Variants in RBFOX1 observed in about 807,000 individuals in gnomAD.
RBFOX1 encodes the protein RNA binding protein fox-1 homolog 1.
A neutral mutation model predicts 57.7 loss-of-function variants in RBFOX1; 8 were observed. The ratio of observed to expected loss-of-function variants is 0.14; its 90% CI spans 0.08 to 0.25. The LOEUF (loss-of-function observed/expected upper bound fraction) is 0.25, where lower values mean the gene tolerates loss of function less well. RBFOX1 is among the 10% of genes least tolerant of loss of function. The pLI, the probability that RBFOX1 is intolerant of heterozygous loss-of-function variation, is 1.00. For missense variants in RBFOX1, 611 were observed against 548.5 expected, an observed-to-expected ratio of 1.11 and a Z score of -1.14; for synonymous variants, 326 against 222.4, an observed-to-expected ratio of 1.47 and a Z score of -4.15.
At chr16:5,778,615 C>G (rs2054225621) in intron 3 of RBFOX1, among the ~76,000 whole-genome samples, 1 of 152,170 alleles carries the variant, frequency 6.6e-6, no homozygotes, top group Admixed American at 6.5e-5. Context: ...TCCCCTGTAC[C>G]AAGTAGGTTT....
chr16:5,502,244 T>G (rs2043223386), intron 2 of RBFOX1, among the ~76,000 whole-genome samples: 3 of 152,064 alleles, frequency 2.0e-5, no homozygotes, highest in South Asian at 4.2e-4. Context: ...CAGGAAATCT[T>G]TAGGAAGAAC....
chr16:5,430,821 A>C (rs1405657697), intron 1 of RBFOX1, among the ~76,000 whole-genome samples: 2 of 152,258 alleles, frequency 1.3e-5, no homozygotes, highest in African/African-American at 4.8e-5. Context: ...CTGCCCTGAG[A>C]AACATACAGA....
chr16:7,668,316 A>C (rs976465064), intron 13 of RBFOX1, among the ~76,000 whole-genome samples: 2 of 152,176 alleles, frequency 1.3e-5, no homozygotes, highest in African/African-American at 4.8e-5. Context: ...TCTTCTCTCA[A>C]ATGACCTCCT....
intron 4 of RBFOX1, among the ~76,000 whole-genome samples, chr16:7,254,134 A>G (rs1273412052): frequency 2.0e-5 from 3 of 151,906 alleles, no homozygotes; most frequent in Admixed American, 6.6e-5. Context: ...CAACCCTGTG[A>G]CCCCCTTGTT....
chr16:5,329,395 T>G (rs6500683), intron 1 of RBFOX1, among the ~76,000 whole-genome samples: 1 of 151,856 alleles, frequency 6.6e-6, no homozygotes, highest in Admixed American at 6.6e-5. Context: ...TACCCACTTT[T>G]AAATAACCAG....
intron 6 of RBFOX1, among the ~76,000 whole-genome samples, chr16:7,581,862 C>A (rs1042137576): frequency 6.6e-6 from 1 of 152,062 alleles, no homozygotes; most frequent in African/African-American, 2.4e-5. Context: ...AGGCACAAGC[C>A]ACCATGCTTG....
Position 6,783,167 on chromosome 16 carries a change from C to CT in RBFOX1, c.-16+128522dup, listed in dbSNP as rs547477152. Among the ~76,000 whole-genome samples the CT allele has an allele frequency of 1.6e-3, 242 of 149,238 alleles. 3 individuals carry two copies. Among genetic ancestry groups the CT allele is most frequent in the African/African-American group, 5.8e-3 (235 of 40,370 alleles). ...CCTTATAGGCAGCATATAGTTGGGT[C>CT]TTTTTAAAAAAAAATTTATTCAGCT... On this transcript the variant is annotated intron_variant, in intron 3 of 15. Transcript: ENST00000550418.
intron 4 of RBFOX1, among the ~76,000 whole-genome samples, chr16:7,487,199 C>A (rs559364628): frequency 6.6e-6 from 1 of 152,216 alleles, no homozygotes; most frequent in African/African-American, 2.4e-5. Context: ...TGCGCCTTAA[C>A]CACTTTCAGG....
intron 4 of RBFOX1, among the ~76,000 whole-genome samples, chr16:5,931,751 G>A (rs965139619): frequency 2.6e-5 from 4 of 152,082 alleles, no homozygotes; most frequent in Non-Finnish European, 5.9e-5. Flanking sequence ...TTCCCTACCC[G>A]TCTCATGCAT....
At chr16:6,714,512 CA>C (rs1188802498) in intron 3 of RBFOX1, among the ~76,000 whole-genome samples, 29 of 152,240 alleles carry the variant, frequency 1.9e-4, no homozygotes, top group African/African-American at 6.0e-4. Flanking sequence ...TACCCAAGGG[CA>C]GGGGGCCTGG....
chr16:5,697,695 G>A (rs944370095), intron 3 of RBFOX1, among the ~76,000 whole-genome samples: 5 of 620 alleles, frequency 8.1e-3, no homozygotes, highest in South Asian at 0.1. Flanking sequence ...CACCACGCTC[G>A]GCTAATTTTT....
intron 2 of RBFOX1, among the ~76,000 whole-genome samples, chr16:6,379,843 G>T (rs534272187): frequency 6.6e-6 from 1 of 152,166 alleles, no homozygotes; most frequent in African/African-American, 2.4e-5. Flanking sequence ...GGAGTTTGCA[G>T]ACGGGCATGA....
At chr16:5,843,233 G>A (rs868214909) in intron 3 of RBFOX1, among the ~76,000 whole-genome samples, 5 of 152,078 alleles carry the variant, frequency 3.3e-5, no homozygotes, top group Admixed American at 6.6e-5. Flanking sequence ...TTATTTCATC[G>A]CCAAGGTACT....
chr16:7,227,684 G>C (rs1057327229), intron 4 of RBFOX1, among the ~76,000 whole-genome samples: 1 of 152,116 alleles, frequency 6.6e-6, no homozygotes, highest in Non-Finnish European at 1.5e-5. Context: ...TCCTTCCAGC[G>C]GGCATTTGGG....
At chr16:7,234,357 G>T (rs1284567486) in intron 4 of RBFOX1, among the ~76,000 whole-genome samples, 3 of 152,062 alleles carry the variant, frequency 2.0e-5, no homozygotes, top group Non-Finnish European at 4.4e-5. Context: ...GAATCTATTT[G>T]GTTTTGGTTC....
chr16:7,586,606 T>C (rs919815101), intron 6 of RBFOX1, among the ~76,000 whole-genome samples: 2 of 152,244 alleles, frequency 1.3e-5, no homozygotes, highest in Non-Finnish European at 2.9e-5. Flanking sequence ...TCTGAGTCTC[T>C]GTTTCTGGAC....
At position 6,520,734 on chromosome 16, in the gene RBFOX1, T is replaced by C. The variant is rs150589777; in HGVS notation, c.-63-133869T>C. On this transcript the variant is annotated intron_variant, in intron 2 of 15. Coordinates refer to ENST00000550418, the MANE Select transcript of RBFOX1 (RefSeq NM_018723.4). ...TCCAGACACCCTTAGAACCTCTAAGTGGCTTCGTTTCGATCAAGTGCCAGT... is the reference window on the plus strand; with the variant it reads ...TCCAGACACCCTTAGAACCTCTAAGCGGCTTCGTTTCGATCAAGTGCCAGT... Among the ~76,000 whole-genome samples the C allele has an allele frequency of 2.4e-3, 358 of 152,272 alleles. 1 individual carries two copies. The highest frequency in any genetic ancestry group is 8.4e-3 in the African/African-American group (348 of 41,560).
rs549661620 is a variant in RBFOX1 at position 5,244,988 on chromosome 16, T to C, written c.219+4883T>C. On this transcript the variant is annotated intron_variant, in intron 1 of 2. Transcript: ENST00000585867. Reference sequence around the variant, plus strand: ...GCAGGGCTGGCAGGCTGGATCTTGATATGTGTTTCTCAGTTGGAAAGGCTT... The same window carrying C: ...GCAGGGCTGGCAGGCTGGATCTTGACATGTGTTTCTCAGTTGGAAAGGCTT... Among the ~76,000 whole-genome samples, 11 of 152,328 alleles carry C rather than the reference T, an allele frequency of 7.2e-5. No individual in the cohort carries two copies. The East Asian group carries it at 1.9e-3, about 27-fold the overall frequency.
At chr16:5,327,860 C>T (rs548916861) in intron 1 of RBFOX1, among the ~76,000 whole-genome samples, 2 of 152,204 alleles carry the variant, frequency 1.3e-5, no homozygotes, top group African/African-American at 2.4e-5. Context: ...TCTTTGTAAG[C>T]TGAATGGTTC....
Sources: allele counts gnomAD v4.1 joint callset (sites outside exome capture counted in the v4.1 genomes callset), GRCh38; gene constraint gnomAD v4.1.1; transcripts MANE v1.5; gene names NCBI Gene and HGNC (gene_info 2026-07-23, HGNC 2026-07-21).